TSHZ2: variants seen among roughly 807,000 people sequenced by gnomAD.
The protein encoded by TSHZ2 is teashirt homolog 2.
TSHZ2 carries 21 observed loss-of-function variants against 74.4 expected under a neutral mutation model. That is an observed-to-expected ratio of 0.28 (90% CI 0.20 to 0.41). The LOEUF (loss-of-function observed/expected upper bound fraction) is 0.41, where lower values mean the gene tolerates loss of function less well. Ranked by LOEUF, TSHZ2 falls within the 10% of genes least tolerant of loss-of-function variation. TSHZ2 has a pLI of 1.00. For synonymous variants in TSHZ2, 540 were observed against 515.3 expected (o/e 1.05, Z -0.65); for missense variants, 1,244 against 1,293.5 (o/e 0.96, Z 0.59).
chr20:53,282,077 A>G (rs973290357), intron 2 of TSHZ2, among the ~76,000 whole-genome samples: 10 of 152,212 alleles, frequency 6.6e-5, no homozygotes, highest in Admixed American at 2.6e-4. Context: ...TGTGTCCTCT[A>G]CAGATGCATT....
At chr20:53,157,214 C>T (rs544735687) in intron 1 of TSHZ2, among the ~76,000 whole-genome samples, 1 of 152,154 alleles carries the variant, frequency 6.6e-6, no homozygotes, top group South Asian at 2.1e-4. Context: ...ATTCTAGGAA[C>T]AATTTTTTTT....
intron 1 of TSHZ2, among the ~76,000 whole-genome samples, chr20:53,223,670 A>G (rs1989615126): frequency 6.6e-6 from 1 of 152,154 alleles, no homozygotes; most frequent in African/African-American, 2.4e-5. Context: ...TGCCGGGATT[A>G]CAGACATGAG....
In TSHZ2 at chr20:53,047,976, G is replaced by T. The variant is rs954796135; in HGVS notation, c.40+74643G>T. Among the ~76,000 whole-genome samples the T allele has an allele frequency of 2.6e-5, 4 of 152,216 alleles. No homozygotes were observed. The South Asian group carries it at 6.2e-4, about 24-fold the overall frequency. The stretch of plus-strand genomic sequence containing the variant: ...AAACGGAGGTCAGAAGGGGAGACGG[G>T]ATGTGGCCAAGTTAGTAAACAGGTT... On this transcript the variant is annotated intron_variant, in intron 1 of 2. Transcript: ENST00000371497.
At chr20:53,237,299 T>TG (rs1298072911) in intron 1 of TSHZ2, among the ~76,000 whole-genome samples, 1 of 152,196 alleles carries the variant, frequency 6.6e-6, no homozygotes, top group Non-Finnish European at 1.5e-5. Context: ...GAACAGTTTT[T>TG]TGTGTGTGTT....
Position 53,074,591 on chromosome 20 carries a change from AAG to A in TSHZ2, c.40+101260_40+101261del, listed in dbSNP as rs1985309808. 6.6e-6 allele frequency among the ~76,000 whole-genome samples: 1 copy of A among 152,240 alleles called. No homozygotes were observed. Among genetic ancestry groups the A allele is most frequent in the Non-Finnish European group, 1.5e-5 (1 of 68,038 alleles). On this transcript the variant is annotated intron_variant, in intron 1 of 2. Coordinates refer to ENST00000371497, the MANE Select transcript of TSHZ2 (RefSeq NM_173485.6). This position sits in a 1 kb window ranked among gnomAD's most constrained non-coding sequence, Gnocchi z 5.9. ...AACTTGCAAAACAATGAAGAAAGGA[AAG>A]AAAATAGTGATTGCTATGTCTGAGT...
chr20:53,392,558 CAAT>C (rs1982296844), intron 2 of TSHZ2, among the ~76,000 whole-genome samples: 1 of 152,136 alleles, frequency 6.6e-6, no homozygotes, highest in African/African-American at 2.4e-5. Flanking sequence ...AGTTTTGTAG[CAAT>C]TAAGTATAAA....
At chr20:53,345,874 C>G (rs981242247) in intron 2 of TSHZ2, among the ~76,000 whole-genome samples, 3 of 152,070 alleles carry the variant, frequency 2.0e-5, no homozygotes, top group Non-Finnish European at 2.9e-5. Context: ...CCACCCTCCC[C>G]GCTGACCACG....
intron 2 of TSHZ2, among the ~76,000 whole-genome samples, chr20:53,472,503 T>A (rs1027984603): frequency 6.6e-6 from 1 of 151,938 alleles, no homozygotes. Flanking sequence ...AAGGTTTTAT[T>A]GAAGTAGTTG....
At chr20:53,147,350 C>A (rs1264116482) in intron 1 of TSHZ2, among the ~76,000 whole-genome samples, 1 of 152,120 alleles carries the variant, frequency 6.6e-6, no homozygotes, top group East Asian at 1.9e-4. Flanking sequence ...TCTTTAATAT[C>A]TCTGTATAAA....
At chr20:52,984,875 C>A (rs967336479) in intron 1 of TSHZ2, among the ~76,000 whole-genome samples, 1 of 152,186 alleles carries the variant, frequency 6.6e-6, no homozygotes. Flanking sequence ...GAGGCGTCTA[C>A]TGAAAGCTGT....
At chr20:53,282,272 T>C (rs1991076150) in intron 2 of TSHZ2, among the ~76,000 whole-genome samples, 1 of 152,246 alleles carries the variant, frequency 6.6e-6, no homozygotes, top group African/African-American at 2.4e-5. Context: ...TGATTGTCAC[T>C]GATAAAATAA....
chr20:52,982,509 C>T (rs1298985356), intron 1 of TSHZ2, among the ~76,000 whole-genome samples: 1 of 152,120 alleles, frequency 6.6e-6, no homozygotes, highest in African/African-American at 2.4e-5. Context: ...ATGGGATGTT[C>T]TTTCATATGT....
At chr20:53,203,876 G>A (rs144660720) in intron 1 of TSHZ2, among the ~76,000 whole-genome samples, 24 of 151,902 alleles carry the variant, frequency 1.6e-4, no homozygotes, top group East Asian at 9.7e-4. Context: ...ATGTTCAAGC[G>A]GTATGTCCCA....
intron 2 of TSHZ2, among the ~76,000 whole-genome samples, chr20:53,388,519 A>G (rs1282643408): frequency 6.6e-6 from 1 of 152,214 alleles, no homozygotes; most frequent in Admixed American, 6.5e-5. Flanking sequence ...TGACAGTCAC[A>G]GTCGCAGGAG....
intron 2 of TSHZ2, among the ~76,000 whole-genome samples, chr20:53,280,591 A>C (rs752011847): frequency 2.6e-5 from 4 of 152,132 alleles, no homozygotes; most frequent in Non-Finnish European, 4.4e-5. Flanking sequence ...TATGAATGCA[A>C]CCACTTAGGT....
chr20:53,359,698 G>A (rs1194571235), intron 2 of TSHZ2, among the ~76,000 whole-genome samples: 2 of 152,166 alleles, frequency 1.3e-5, no homozygotes, highest in East Asian at 1.9e-4. Context: ...TGGTATGTTC[G>A]AGGACAGAGA....
At chr20:53,315,120 A>G (rs1370022448) in intron 2 of TSHZ2, among the ~76,000 whole-genome samples, 1 of 152,240 alleles carries the variant, frequency 6.6e-6, no homozygotes, top group Non-Finnish European at 1.5e-5. Flanking sequence ...CATGTGTATG[A>G]AGAAGAGGAA....
intron 2 of TSHZ2, among the ~76,000 whole-genome samples, chr20:53,453,280 C>T (rs1984881911): frequency 6.6e-6 from 1 of 152,190 alleles, no homozygotes; most frequent in South Asian, 2.1e-4. Context: ...CAGATGGCGG[C>T]CTGTACAATG....
chr20:53,182,095 T>TTTCCTTCC (rs757937239), intron 1 of TSHZ2, among the ~76,000 whole-genome samples: 10 of 151,354 alleles, frequency 6.6e-5, no homozygotes, highest in Admixed American at 1.3e-4. Flanking sequence ...CCTGCCTTCC[T>TTTCCTTCC]TTCCTTCCTT....
Sources: gnomAD v4.1 joint callset for allele counts (sites outside exome capture counted in the v4.1 genomes callset) on GRCh38, gnomAD v4.1.1 for gene constraint, Gnocchi (gnomAD v3.1) non-coding constraint, MANE v1.5 for transcripts, NCBI Gene and HGNC (gene_info 2026-07-23, HGNC 2026-07-21) for gene names.